The following UBXN11 variants were observed in gnomAD, a reference collection of about 807,000 sequenced individuals.
The protein encoded by UBXN11 is UBX domain protein 11.
A neutral mutation model predicts 62.8 loss-of-function variants in UBXN11; 47 were observed. The ratio of observed to expected loss-of-function variants is 0.75; its 90% CI spans 0.59 to 0.95. UBXN11 has a LOEUF of 0.95. Among genes scored for constraint, UBXN11 ranks in the 40% least tolerant of loss-of-function variants. UBXN11 has a pLI of 0.00. For synonymous variants in UBXN11, 294 were observed against 267.0 expected, an observed-to-expected ratio of 1.10 and a Z score of -0.99; for missense variants, 638 against 661.7, an observed-to-expected ratio of 0.96 and a Z score of 0.39.
chr1:26,297,332 T>G (rs1208702118), intron 6 of UBXN11, 95 bp downstream of exon 6: 2 of 1,385,206 alleles, frequency 1.4e-6, no homozygotes, highest in Non-Finnish European at 1.9e-6. Flanking sequence ...CTTGATGCTC[T>G]TGATGCCAGA....
At position 26,282,939 on chromosome 1, in the gene UBXN11, T is replaced by C. The variant is rs1165771711; in HGVS notation, c.1078-2A>G. On this transcript the variant is annotated splice_acceptor_variant, in intron 12 of 14. Coordinates refer to ENST00000374222, the MANE Select transcript of UBXN11 (RefSeq NM_001389556.1). LOFTEE classifies it high-confidence loss of function. ...CCGGGCAGGCAATGGGCAGCAGTTC[T>C]GGAAGGTATCAGTGGAGGGTGGACA... 6.2e-7 allele frequency: 1 copy of C among 1,614,050 alleles called. No homozygotes were observed. Among genetic ancestry groups the C allele is most frequent in the Non-Finnish European group, 8.5e-7 (1 of 1,180,032 alleles).
At chr1:26,308,265 C>CA (rs112792329), upstream of UBXN11, among the ~76,000 whole-genome samples, 21,069 of 77,936 alleles carry the variant, frequency 0.27, 1,838 homozygotes, top group Middle Eastern at 0.33. Context: ...GAAACTCTGT[C>CA]AAAAAAAAAA....
upstream of UBXN11, among the ~76,000 whole-genome samples, chr1:26,310,226 C>A (rs1320927126): frequency 6.6e-6 from 1 of 152,118 alleles, no homozygotes; most frequent in Non-Finnish European, 1.5e-5. Flanking sequence ...CATGACGAAA[C>A]CCTGTCTCTA....
In UBXN11 at chr1:26,285,459, A is replaced by T; in HGVS notation, c.852+5T>A. 1 of 1,611,940 alleles carries T rather than the reference A, an allele frequency of 6.2e-7. No individual in the cohort carries two copies. The highest frequency in any genetic ancestry group is 8.5e-7 in the Non-Finnish European group (1 of 1,179,174). ...AAAGGTGTGGTTTGAGGAGCAGCTT[A>T]TCACCTTAAAGGGGACCCCATTGGG... On this transcript the variant is annotated splice_donor_5th_base_variant and intron_variant, in intron 10 of 14. Coordinates refer to ENST00000374222, the MANE Select transcript of UBXN11 (RefSeq NM_001389556.1).
At chr1:26,315,346 G>A (rs1045281697) in intron 1 of UBXN11, among the ~76,000 whole-genome samples, 3 of 152,208 alleles carry the variant, frequency 2.0e-5, no homozygotes, top group African/African-American at 7.2e-5. Context: ...AGATTGCACA[G>A]TGTGATGGAG....
chr1:26,297,773 A>AC (rs2073430167), intron 5 of UBXN11, among the ~76,000 whole-genome samples, 189 bp downstream of exon 5: 4 of 151,214 alleles, frequency 2.6e-5, no homozygotes, highest in Admixed American at 6.6e-5. Flanking sequence ...TGAGGGGAAG[A>AC]CCCCCCAGCC....
At chr1:26,285,001 C>T (rs543778393) in intron 10 of UBXN11, 55 of 1,001,150 alleles carry the variant, frequency 5.5e-5, no homozygotes, top group East Asian at 1.1e-4. Flanking sequence ...TTCTAGAACA[C>T]GAAGCCTCAT....
intron 8 of UBXN11, among the ~76,000 whole-genome samples, chr1:26,287,686 C>T (rs1230987501): frequency 6.6e-6 from 1 of 152,074 alleles, no homozygotes; most frequent in African/African-American, 2.4e-5. Context: ...TAGGCCCCAG[C>T]TGGCCTTCTC....
chr1:26,310,397 G>C (rs1378400115), upstream of UBXN11, among the ~76,000 whole-genome samples: 1 of 152,124 alleles, frequency 6.6e-6, no homozygotes, highest in Admixed American at 6.6e-5. Flanking sequence ...AATCAGCCAG[G>C]TGTGGTGGCA....
chr1:26,302,998 C>G, intron 1 of UBXN11, 80 bp from the exon 2 acceptor site: 1 of 917,702 alleles, frequency 1.1e-6, no homozygotes, highest in Non-Finnish European at 1.7e-6. Context: ...TTTCCACTTC[C>G]CTGGCTACTC....
upstream of UBXN11, among the ~76,000 whole-genome samples, chr1:26,308,926 A>G (rs1303317627): frequency 6.9e-6 from 1 of 144,704 alleles, no homozygotes; most frequent in African/African-American, 2.5e-5. Context: ...CTGGCAGGCC[A>G]GTCGTTTGAT....
intron 8 of UBXN11, among the ~76,000 whole-genome samples, chr1:26,292,389 C>T (rs1442015294): frequency 6.6e-6 from 1 of 152,078 alleles, no homozygotes; most frequent in African/African-American, 2.4e-5. Context: ...TGTGGTGGCA[C>T]GTGCCTGCAG....
intron 4 of UBXN11, among the ~76,000 whole-genome samples, chr1:26,299,480 T>C (rs148785091): frequency 7.4e-6 from 1 of 135,406 alleles, no homozygotes; most frequent in African/African-American, 2.8e-5. Context: ...ACCGCTGCAC[T>C]CCAGGCTGGG....
At chr1:26,297,506 C>A in intron 5 of UBXN11, 25 bp from the exon 6 acceptor site, 1 of 1,539,424 alleles carries the variant, frequency 6.5e-7, no homozygotes. Context: ...ACAGGGTGAG[C>A]ACAGGGCCTG....
At chr1:26,294,432 G>A (rs1425765337) in intron 7 of UBXN11, 101 bp from the exon 8 acceptor site, 1 of 1,526,080 alleles carries the variant, frequency 6.6e-7, no homozygotes, top group South Asian at 1.3e-5. Flanking sequence ...GCAGGCAATG[G>A]GGCCCCCAGA....
In UBXN11 at chr1:26,282,497, C is replaced by A; in HGVS notation, c.1365G>T (p.Thr455=). ...PPTLYQDDTL[T]LQAAGLVPKA... is the part of the protein sequence containing the mutation. The stretch of plus-strand genomic sequence containing the variant: ...TGGGCACAAGGCCTGCAGCCTGCAG[C>A]GTGAGTGTATCGTCCTGGTAGAGGG... Residue 455 remains threonine, a synonymous_variant, in exon 15 of 15, where the codon ACG becomes ACT. Transcript: ENST00000374222. 1 of 1,605,980 alleles carries A rather than the reference C, an allele frequency of 6.2e-7. No homozygotes were observed. The highest frequency in any genetic ancestry group is 1.3e-5 in the African/African-American group (1 of 74,808).
Position 26,282,758 on chromosome 1 carries a change from G to T in UBXN11, c.1183C>A (p.Pro395Thr), listed in dbSNP as rs759903974. 33 of 1,614,160 alleles carry T rather than the reference G, an allele frequency of 2.0e-5. No individual in the cohort carries two copies. The highest frequency in any genetic ancestry group is 2.8e-5 in the Non-Finnish European group (33 of 1,180,032). The change falls in exon 14 of 15, where the codon CCG becomes ACG. Residue 395 changes from proline (P) to threonine (T), a missense_variant. Coordinates refer to ENST00000374222, the MANE Select transcript of UBXN11 (RefSeq NM_001389556.1). ...SQESPNTPAPPLSMLRIKSEN... is the reference protein window; with the variant it reads ...SQESPNTPAPTLSMLRIKSEN... ...GACTTGATGCGCAGCATGGAGAGCG[G>T]GGGTGCCGGCGTGTTGGGTGACTCC... is the stretch of plus-strand genomic sequence containing the variant.
At chr1:26,285,800 AC>A (rs370062434) in intron 9 of UBXN11, 22 bp downstream of exon 9, 197 of 1,565,172 alleles carry the variant, frequency 1.3e-4, no homozygotes, top group Admixed American at 3.1e-4. Flanking sequence ...CTAGAGCACC[AC>A]CCCCCCCAAC....
In UBXN11 at chr1:26,302,829, CCGAGGGCAGGGGCACTTTT is replaced by C; in HGVS notation, c.36_54del (p.Lys13SerfsTer3). ...GCTCCTTACCCAGGATTCATAGGCT[CCGAGGGCAGGGGCACTTTT>C]CGGGTCTTGCTAAGGGAGGCCAAAG... On this transcript the variant is annotated frameshift_variant, in exon 2 of 15. Coordinates refer to ENST00000374222, the MANE Select transcript of UBXN11 (RefSeq NM_001389556.1). LOFTEE classifies it high-confidence loss of function. 1 of 1,613,774 alleles carries C rather than the reference CCGAGGGCAGGGGCACTTTT, an allele frequency of 6.2e-7. No homozygotes were observed. The highest frequency in any genetic ancestry group is 1.1e-5 in the South Asian group (1 of 91,056).
Sources: gnomAD v4.1 joint callset for allele counts (sites outside exome capture counted in the v4.1 genomes callset) on GRCh38, gnomAD v4.1.1 for gene constraint, MANE v1.5 for transcripts, NCBI Gene and HGNC (gene_info 2026-07-23, HGNC 2026-07-21) for gene names.